RUFY1: variants seen among roughly 807,000 people sequenced by gnomAD.
RUFY1 encodes RUN and FYVE domain-containing protein 1.
In RUFY1, 54 loss-of-function variants were observed where a neutral mutation model predicts 94.6. That is an observed-to-expected ratio of 0.57 (90% CI 0.46 to 0.72). RUFY1 has a LOEUF of 0.72. Ranked by LOEUF, RUFY1 falls within the 30% of genes least tolerant of loss-of-function variation. The probability of loss-of-function intolerance (pLI) is 0.00; values close to 1 mark genes in which losing one functional copy is unlikely to be tolerated. For synonymous variants in RUFY1, 396 were observed against 347.3 expected (o/e 1.14, Z -1.56); for missense variants, 883 against 883.9 (o/e 1.00, Z 0.01).
chr5:179,582,562 A>G (rs961255172), intron 7 of RUFY1, among the ~76,000 whole-genome samples: 1 of 152,190 alleles, frequency 6.6e-6, no homozygotes, highest in African/African-American at 2.4e-5. Flanking sequence ...TCCTTTTAAC[A>G]TGTAACCTGG....
At chr5:179,589,675 C>G (rs375201484) in intron 9 of RUFY1, 28 bp downstream of exon 9, 89 of 1,484,512 alleles carry the variant, frequency 6.0e-5, no homozygotes, top group Non-Finnish European at 7.8e-5. Flanking sequence ...ATTTGGGCAG[C>G]ATGTTTCTCA....
intron 3 of RUFY1, 55 bp downstream of exon 3, chr5:179,562,719 A>G: frequency 1.1e-6 from 1 of 942,614 alleles, no homozygotes; most frequent in Non-Finnish European, 1.7e-6. Flanking sequence ...CCTCATATTT[A>G]CTCATTTCTC....
chr5:179,605,194 A>C (rs530815036), intron 15 of RUFY1, among the ~76,000 whole-genome samples: 1 of 148,930 alleles, frequency 6.7e-6, no homozygotes, highest in South Asian at 2.1e-4. Flanking sequence ...TGAGAGGATC[A>C]CTTGAGCCCA....
chr5:179,553,713 A>G (rs375000350), intron 1 of RUFY1, among the ~76,000 whole-genome samples: 1 of 152,042 alleles, frequency 6.6e-6, no homozygotes, highest in African/African-American at 2.4e-5. Flanking sequence ...TTGCTTGAAC[A>G]TAAGAGGCGG....
intron 6 of RUFY1, among the ~76,000 whole-genome samples, chr5:179,578,797 A>C (rs1409162460): frequency 2.0e-5 from 3 of 151,828 alleles, no homozygotes; most frequent in African/African-American, 7.3e-5. Flanking sequence ...GACATGTGCC[A>C]CCATGCCTGG....
At chr5:179,554,057 GGC>G (rs1426942998) in intron 1 of RUFY1, among the ~76,000 whole-genome samples, 1 of 152,142 alleles carries the variant, frequency 6.6e-6, no homozygotes, top group Non-Finnish European at 1.5e-5. Context: ...GCCAGGGCCA[GGC>G]CCAAGGCTGA....
At chr5:179,567,265 CAA>C (rs1326627266) in intron 3 of RUFY1, among the ~76,000 whole-genome samples, 194 bp from the exon 4 acceptor site, 1 of 152,232 alleles carries the variant, frequency 6.6e-6, no homozygotes, top group Non-Finnish European at 1.5e-5. Flanking sequence ...TAATAGTACT[CAA>C]AGGTATGTGG....
intron 12 of RUFY1, among the ~76,000 whole-genome samples, chr5:179,595,539 G>T (rs1264377724): frequency 1.4e-5 from 2 of 146,966 alleles, no homozygotes; most frequent in Non-Finnish European, 3.0e-5. Flanking sequence ...TTGGTTTTTT[G>T]TTTGTTTGTT....
At chr5:179,568,822 A>C (rs548464571) in intron 4 of RUFY1, among the ~76,000 whole-genome samples, 4 of 152,284 alleles carry the variant, frequency 2.6e-5, no homozygotes, top group Non-Finnish European at 4.4e-5. Flanking sequence ...CAGGGGATGG[A>C]CCACCCCCTG....
At chr5:179,561,700 T>TTTTTTTTTTTTTTTTTTTTTTTTTTG (rs764059834) in intron 2 of RUFY1, among the ~76,000 whole-genome samples, 1 of 95,540 alleles carries the variant, frequency 1.0e-5, no homozygotes, top group Non-Finnish European at 2.1e-5. Flanking sequence ...TTTTTTTTTT[T>TTTTTTTTTTTTTTTTTTTTTTTTTTG]TTTGAAGAGT....
rs997635810 is a variant in RUFY1 at position 179,599,192 on chromosome 5, G to A, written c.1761+371G>A. 3.9e-5 allele frequency: 7 copies of A among 181,080 alleles called. 1 individual carries two copies. Among genetic ancestry groups the A allele is most frequent in the Non-Finnish European group, 8.0e-5 (7 of 87,732 alleles). 11.2% of individuals were successfully genotyped at this position (181,080 alleles called of 1,614,324 possible). ...ACAGCAGTGTGAGGAGCAAAGAGGC[G>A]GCCTCAGGCGGCAGGCAGGAGGAAG... On this transcript the variant is annotated intron_variant, in intron 14 of 17. Coordinates refer to ENST00000319449, the MANE Select transcript of RUFY1 (RefSeq NM_025158.5).
At chr5:179,574,996 A>G (rs1033130146) in intron 5 of RUFY1, among the ~76,000 whole-genome samples, 1 of 150,828 alleles carries the variant, frequency 6.6e-6, no homozygotes, top group African/African-American at 2.4e-5. Flanking sequence ...AAAGTATATA[A>G]TGTGAAAAGA....
chr5:179,580,925 C>T (rs774750777), intron 6 of RUFY1, 22 bp from the exon 7 acceptor site: 1 of 1,477,434 alleles, frequency 6.8e-7, no homozygotes, highest in East Asian at 2.3e-5. Flanking sequence ...AAAGTTCTTC[C>T]TTCTTATGCT....
intron 1 of RUFY1, 28 bp from the exon 2 acceptor site, chr5:179,559,997 C>T (rs112924151): frequency 1.9e-6 from 3 of 1,604,454 alleles, no homozygotes; most frequent in East Asian, 4.5e-5. Flanking sequence ...AGTCCACTAA[C>T]GAAGCTATCC....
In RUFY1 at chr5:179,607,655, G is replaced by A; in HGVS notation, c.1979G>A (p.Arg660Lys). The A allele has an allele frequency of 1.2e-6, 2 of 1,613,892 alleles. No individual in the cohort carries two copies. Among genetic ancestry groups the A allele is most frequent in the Non-Finnish European group, 1.7e-6 (2 of 1,179,788 alleles). Residue 660 changes from arginine (R) to lysine (K), a missense_variant, in exon 17 of 18, where the codon AGA (arginine) becomes AAA (lysine). By Grantham distance (26) the Arg-to-Lys change is conservative. Coordinates refer to ENST00000319449, the MANE Select transcript of RUFY1 (RefSeq NM_025158.5). ...GAGAAGGAGTTCTCCATTTCCCGGAGAAAGGTACGTGGGGGCTCCACCCAC... is the reference window on the plus strand; with the variant it reads ...GAGAAGGAGTTCTCCATTTCCCGGAAAAAGGTACGTGGGGGCTCCACCCAC... Reference protein sequence around the residue: ...QCEKEFSISRRKHHCRNCGHI... With the variant: ...QCEKEFSISRKKHHCRNCGHI...
At chr5:179,575,674 CAT>C (rs1302432243) in intron 5 of RUFY1, among the ~76,000 whole-genome samples, 4 of 152,278 alleles carry the variant, frequency 2.6e-5, no homozygotes, top group South Asian at 2.1e-4. Context: ...AGGTTGCAGA[CAT>C]GTGTTAGAAC....
intron 5 of RUFY1, among the ~76,000 whole-genome samples, chr5:179,574,582 T>G (rs1562003294): frequency 6.6e-6 from 1 of 152,244 alleles, no homozygotes; most frequent in Non-Finnish European, 1.5e-5. Context: ...TAGCATAGTT[T>G]TGATCAATTT....
rs778912195 is a variant in RUFY1, at chr5:179,567,512, G to C, written c.654G>C (p.Lys218Asn). Residue 218 changes from lysine to asparagine, a missense_variant, in exon 4 of 18, where the codon AAG (lysine) becomes AAC (asparagine). Lys to Asn is a moderately conservative substitution (Grantham distance 94). Transcript: ENST00000319449. The stretch of plus-strand genomic sequence containing the variant: ...GGCTTTATCTTGCACTCATGCAAAA[G>C]AAACTGGCAGATTATCTGAAAGTGC... Reference protein sequence around the residue: ...RAWLYLALMQKKLADYLKVLI... With the variant: ...RAWLYLALMQNKLADYLKVLI... The C allele has an allele frequency of 1.9e-6, 3 of 1,613,974 alleles. No individual in the cohort carries two copies. Among genetic ancestry groups the C allele is most frequent in the South Asian group, 1.1e-5 (1 of 91,092 alleles).
chr5:179,559,368 G>A (rs80221123), intron 1 of RUFY1, among the ~76,000 whole-genome samples: 274 of 152,348 alleles, frequency 1.8e-3, no homozygotes, highest in African/African-American at 6.3e-3. Flanking sequence ...AAAACAAAGT[G>A]TGCGTAAAAC....
Sources: gnomAD v4.1 joint callset for allele counts (sites outside exome capture counted in the v4.1 genomes callset) on GRCh38, gnomAD v4.1.1 for gene constraint, MANE v1.5 for transcripts, NCBI Gene and HGNC (gene_info 2026-07-23, HGNC 2026-07-21) for gene names.